The following TOX3 variants were observed in gnomAD, a reference collection of about 807,000 sequenced individuals.
The protein encoded by TOX3 is TOX high mobility group box family member 3.
In TOX3, 22 loss-of-function variants were observed where a neutral mutation model predicts 64.3. That is an observed-to-expected ratio of 0.34 (90% CI 0.24 to 0.49). TOX3 has a LOEUF of 0.49. Ranked by LOEUF, TOX3 falls within the 20% of genes least tolerant of loss-of-function variation. The pLI, the probability that TOX3 is intolerant of heterozygous loss-of-function variation, is 0.99. For synonymous variants in TOX3, 291 were observed against 273.6 expected (o/e 1.06, Z -0.63); for missense variants, 661 against 714.4 (o/e 0.93, Z 0.85).
intron 3 of TOX3, among the ~76,000 whole-genome samples, chr16:52,453,473 C>T (rs765352650): frequency 3.9e-5 from 6 of 152,104 alleles, no homozygotes; most frequent in Non-Finnish European, 5.9e-5. Flanking sequence ...CATGAGGCAC[C>T]GTGCCCGGCC....
intron 1 of TOX3, among the ~76,000 whole-genome samples, chr16:52,541,665 A>G (rs1963080192): frequency 6.6e-6 from 1 of 152,238 alleles, no homozygotes; most frequent in Non-Finnish European, 1.5e-5. Context: ...ATTCCTTGAA[A>G]TATCGACACA....
chr16:52,517,374 A>G (rs972648954), intron 1 of TOX3, among the ~76,000 whole-genome samples: 1 of 152,138 alleles, frequency 6.6e-6, no homozygotes, highest in Non-Finnish European at 1.5e-5. Context: ...AGGATTAGGC[A>G]GAGAAAGAGA....
At chr16:52,466,757 C>G (rs182984657) in intron 2 of TOX3, among the ~76,000 whole-genome samples, 94 of 152,024 alleles carry the variant, frequency 6.2e-4, no homozygotes, top group Non-Finnish European at 9.6e-4. Flanking sequence ...ATATCCTAAC[C>G]TAATATAATA....
intron 1 of TOX3, among the ~76,000 whole-genome samples, chr16:52,530,850 G>A (rs754262738): frequency 6.6e-6 from 1 of 151,974 alleles, no homozygotes; most frequent in Non-Finnish European, 1.5e-5. Flanking sequence ...TTCTGCCTTG[G>A]ACTTCCACAA....
intron 1 of TOX3, among the ~76,000 whole-genome samples, chr16:52,543,913 T>C (rs1234601847): frequency 6.6e-6 from 1 of 152,152 alleles, no homozygotes; most frequent in African/African-American, 2.4e-5. Context: ...TGGTCATTTG[T>C]TAAAGAGAGT....
chr16:52,470,775 A>G (rs1961019414), intron 1 of TOX3, among the ~76,000 whole-genome samples: 1 of 152,220 alleles, frequency 6.6e-6, no homozygotes, highest in South Asian at 2.1e-4. Context: ...TGGTCCAGGT[A>G]ATTTGAAACG....
intron 1 of TOX3, among the ~76,000 whole-genome samples, chr16:52,515,734 G>A (rs9936081): frequency 0.31 from 47,168 of 152,034 alleles, 7,543 homozygotes; most frequent in East Asian, 0.41. Flanking sequence ...ACAGAAGAAT[G>A]GCATAAGCTA....
intron 1 of TOX3, among the ~76,000 whole-genome samples, chr16:52,513,120 A>G (rs1401374698): frequency 6.6e-6 from 1 of 152,224 alleles, no homozygotes; most frequent in Non-Finnish European, 1.5e-5. Context: ...AAAGAAGTCC[A>G]GGCACCAACA....
chr16:52,530,461 C>T (rs753134225), intron 1 of TOX3, among the ~76,000 whole-genome samples: 3 of 151,944 alleles, frequency 2.0e-5, no homozygotes, highest in Non-Finnish European at 2.9e-5. Flanking sequence ...CTCAATCTCC[C>T]GAGTAGCTGG....
chr16:52,539,260 A>G (rs1963025602), intron 1 of TOX3, among the ~76,000 whole-genome samples: 1 of 152,232 alleles, frequency 6.6e-6, no homozygotes, highest in Non-Finnish European at 1.5e-5. Flanking sequence ...TAAGAGAGAA[A>G]GGATGTTTCA....
chr16:52,521,809 C>T (rs1435313996), intron 1 of TOX3, among the ~76,000 whole-genome samples: 1 of 152,174 alleles, frequency 6.6e-6, no homozygotes, highest in Admixed American at 6.6e-5. Flanking sequence ...GAATCAGAAA[C>T]TCTGGGTGTG....
At chr16:52,540,076 C>T (rs1000916875) in intron 1 of TOX3, among the ~76,000 whole-genome samples, 3 of 151,976 alleles carry the variant, frequency 2.0e-5, no homozygotes, top group Admixed American at 6.6e-5. Context: ...ACCAATCCAC[C>T]GGTCCACTTA....
intron 2 of TOX3, among the ~76,000 whole-genome samples, chr16:52,465,572 T>C (rs1055779464): frequency 4.0e-5 from 6 of 150,054 alleles, no homozygotes; most frequent in African/African-American, 1.5e-4. Context: ...TTACTATTAA[T>C]AGTATTTGAA....
chr16:52,478,258 A>C (rs942307122), intron 1 of TOX3, among the ~76,000 whole-genome samples: 3 of 152,180 alleles, frequency 2.0e-5, no homozygotes, highest in African/African-American at 7.2e-5. Context: ...CTAAGAGAGC[A>C]GCTGCCACCC....
intron 3 of TOX3, among the ~76,000 whole-genome samples, chr16:52,456,534 G>A (rs1427705004): frequency 1.3e-5 from 2 of 152,150 alleles, no homozygotes; most frequent in African/African-American, 2.4e-5. Flanking sequence ...GCCTGGCGGA[G>A]GCTCGCCTCT....
At chr16:52,456,241 A>G (rs1418091003) in intron 3 of TOX3, among the ~76,000 whole-genome samples, 5 of 152,230 alleles carry the variant, frequency 3.3e-5, no homozygotes, top group African/African-American at 1.2e-4. Flanking sequence ...TTAACTGACC[A>G]TACCTCATGG....
intron 2 of TOX3, among the ~76,000 whole-genome samples, chr16:52,467,604 T>C (rs1479792856): frequency 1.3e-5 from 2 of 152,202 alleles, no homozygotes; most frequent in Non-Finnish European, 2.9e-5. Flanking sequence ...TTATATTACA[T>C]GAACCACAAG....
In TOX3 at chr16:52,439,566, G is replaced by A; in HGVS notation, c.1390C>T (p.Leu464Phe). The A allele has an allele frequency of 6.5e-7, 1 of 1,548,428 alleles. No individual in the cohort carries two copies. The highest frequency in any genetic ancestry group is 8.8e-7 in the Non-Finnish European group (1 of 1,135,240). The change falls in exon 7 of 7, where the codon CTC (leucine) becomes TTC (phenylalanine). Residue 464 changes from leucine (L) to phenylalanine (F), a missense_variant. Leu to Phe is a conservative substitution (Grantham distance 22, BLOSUM62 0). Coordinates refer to ENST00000219746, the MANE Select transcript of TOX3 (RefSeq NM_001080430.4). Reference sequence around the variant, plus strand: ...TGCTGATGCATTTGGTGCTGCTGGAGTTGCTGCTGCTGCATCTGTTGCATC... The same window carrying A: ...TGCTGATGCATTTGGTGCTGCTGGAATTGCTGCTGCTGCATCTGTTGCATC... ...QQMQQMQQQQ[L>F]QQHQMHQQIQ...
At chr16:52,495,382 A>T (rs1156933493) in intron 1 of TOX3, among the ~76,000 whole-genome samples, 1 of 152,184 alleles carries the variant, frequency 6.6e-6, no homozygotes, top group East Asian at 1.9e-4. Flanking sequence ...TGCTAGTGAA[A>T]GGAAGGTAAG....
Sources: allele counts gnomAD v4.1 joint callset (sites outside exome capture counted in the v4.1 genomes callset), GRCh38; gene constraint gnomAD v4.1.1; transcripts MANE v1.5; gene names NCBI Gene and HGNC (gene_info 2026-07-23, HGNC 2026-07-21).